SAP130: variants seen among roughly 807,000 people sequenced by gnomAD.
SAP130 encodes the protein Sin3A associated protein 130, also known as histone deacetylase complex subunit SAP130.
SAP130 carries 16 observed loss-of-function variants against 103.2 expected under a neutral mutation model. That is an observed-to-expected ratio of 0.16 (90% CI 0.10 to 0.24). The LOEUF (loss-of-function observed/expected upper bound fraction) is 0.24, where lower values mean the gene tolerates loss of function less well. Among genes scored for constraint, SAP130 ranks in the 10% least tolerant of loss-of-function variants. The pLI is 1.00. For missense variants in SAP130, 990 were observed against 1,359.7 expected, an observed-to-expected ratio of 0.73 and a Z score of 4.28; for synonymous variants, 477 against 497.0, an observed-to-expected ratio of 0.96 and a Z score of 0.53.
intron 14 of SAP130, among the ~76,000 whole-genome samples, chr2:127,980,427 A>G (rs1681782843): frequency 1.3e-5 from 2 of 152,182 alleles, no homozygotes; most frequent in Admixed American, 1.3e-4. Flanking sequence ...TCCTGGTGAG[A>G]GTGTAAATGG....
intron 2 of SAP130, 67 bp from the exon 3 acceptor site, chr2:128,017,982 AGAGTG>A (rs1345576402): frequency 7.8e-7 from 1 of 1,289,952 alleles, no homozygotes; most frequent in Non-Finnish European, 1.1e-6. Context: ...AGCACAGACA[AGAGTG>A]GTACCTGAAG....
chr2:128,022,984 C>G (rs1190664082), intron 2 of SAP130, among the ~76,000 whole-genome samples: 1 of 151,766 alleles, frequency 6.6e-6, no homozygotes, highest in Admixed American at 6.6e-5. Context: ...CATGAGCCAT[C>G]ACACCTGGCT....
At chr2:128,009,060 G>A (rs1684195260) in intron 7 of SAP130, among the ~76,000 whole-genome samples, 1 of 152,036 alleles carries the variant, frequency 6.6e-6, no homozygotes, top group Non-Finnish European at 1.5e-5. Context: ...CACCCTGTTA[G>A]GTATACAGGC....
rs189212595 is a variant in SAP130 at position 127,949,779 on chromosome 2, G to A, written c.2797+90C>T. ...AAAAACTTATGGTTTTTTTGAAACC[G>A]GAAAATTGTGGTTCTGTTTTTCTCT... On this transcript the variant is annotated intron_variant, in intron 18 of 20. Coordinates refer to ENST00000643581, the MANE Select transcript of SAP130 (RefSeq NM_001330301.2). 8,929 of 1,379,776 alleles carry A rather than the reference G, an allele frequency of 6.5e-3. 41 individuals carry two copies. The highest frequency in any genetic ancestry group is 7.1e-3 in the Non-Finnish European group (7,081 of 999,890). The allele number at this position is 1,379,776 out of a possible 1,614,324, so 85.5% of individuals were successfully genotyped here. A position where few individuals can be genotyped will look rare whatever the true frequency, so the allele number is the denominator to read the frequency against.
chr2:128,010,641 A>T (rs1022551737), intron 6 of SAP130, among the ~76,000 whole-genome samples: 2 of 152,054 alleles, frequency 1.3e-5, no homozygotes, highest in African/African-American at 2.4e-5. Context: ...GGGCAGATCA[A>T]CTGAGATCAG....
At chr2:128,017,423 A>G (rs1282776611) in intron 3 of SAP130, among the ~76,000 whole-genome samples, 1 of 152,196 alleles carries the variant, frequency 6.6e-6, no homozygotes, top group Non-Finnish European at 1.5e-5. Context: ...TATCTAACTT[A>G]ACATGCCCAT....
At chr2:127,945,355 G>T in intron 19 of SAP130, 101 bp downstream of exon 19, 1 of 695,462 alleles carries the variant, frequency 1.4e-6, no homozygotes, top group East Asian at 2.6e-5. Context: ...TGTTAGCTGG[G>T]AATGCTTCAG....
chr2:127,972,348 T>C (rs1308393048), intron 15 of SAP130, among the ~76,000 whole-genome samples: 1 of 152,242 alleles, frequency 6.6e-6, no homozygotes, highest in Non-Finnish European at 1.5e-5. Context: ...CAGTGGCTCA[T>C]GCCTGTAATC....
At chr2:128,017,952 G>C (rs752739686) in intron 2 of SAP130, 37 bp from the exon 3 acceptor site, 2 of 1,513,958 alleles carry the variant, frequency 1.3e-6, no homozygotes, top group African/African-American at 1.4e-5. Flanking sequence ...GTATGTCACA[G>C]TCTCCCAGTG....
intron 7 of SAP130, among the ~76,000 whole-genome samples, chr2:128,000,905 A>G (rs1683513770): frequency 6.6e-6 from 1 of 152,124 alleles, no homozygotes; most frequent in Non-Finnish European, 1.5e-5. Flanking sequence ...GTCTACATAA[A>G]AAATAAAAAT....
At chr2:128,027,503 G>T (rs1413442295) in intron 1 of SAP130, among the ~76,000 whole-genome samples, 1 of 150,586 alleles carries the variant, frequency 6.6e-6, no homozygotes, top group African/African-American at 2.4e-5. Flanking sequence ...AGGCGCCCCC[G>T]GCGAAGGGGG....
At chr2:127,991,812 A>G (rs1682833665) in intron 12 of SAP130, among the ~76,000 whole-genome samples, 2 of 152,244 alleles carry the variant, frequency 1.3e-5, no homozygotes, top group African/African-American at 4.8e-5. Flanking sequence ...TGTTCCAAAC[A>G]TACTTGAAAT....
In SAP130 at chr2:127,996,353, T is replaced by C; in HGVS notation, c.1352A>G (p.Asn451Ser). The C allele has an allele frequency of 6.2e-7, 1 of 1,600,260 alleles. No homozygotes were observed. Among genetic ancestry groups the C allele is most frequent in the East Asian group, 2.3e-5 (1 of 44,100 alleles). Residue 451 changes from asparagine to serine, a missense_variant, in exon 11 of 21, where the codon AAC becomes AGC. Asn to Ser is a conservative substitution (Grantham distance 46). Transcript: ENST00000643581. The surrounding 1 kb of genome is among the most constrained non-coding windows in gnomAD (Gnocchi z 4.3). ...NPVAMETRSD[N>S]RPSVPVQFQY... Reference sequence around the variant, plus strand: ...TAACTGACACACAGCCTCCTACCTGTTGTCACTTCGGGTTTCCATGGCCAC... The same window carrying C: ...TAACTGACACACAGCCTCCTACCTGCTGTCACTTCGGGTTTCCATGGCCAC...
intron 7 of SAP130, among the ~76,000 whole-genome samples, chr2:128,003,522 AC>A (rs1683722611): frequency 6.7e-6 from 1 of 149,746 alleles, no homozygotes; most frequent in African/African-American, 2.4e-5. Flanking sequence ...CCTCCTGAGT[AC>A]CTGGGACTAC....
intron 15 of SAP130, among the ~76,000 whole-genome samples, chr2:127,961,186 C>T (rs1021581452): frequency 2.6e-5 from 4 of 151,752 alleles, no homozygotes; most frequent in South Asian, 2.1e-4. Flanking sequence ...GATAGAGTTT[C>T]GCCATGTTGT....
rs1685486600 is a variant in SAP130, at chr2:128,026,227, C to G, written c.66G>C (p.Gln22His). Reference protein sequence around the residue: ...PSTGLSQAPSQIANSGSAGLI... With the variant: ...PSTGLSQAPSHIANSGSAGLI... ...ATCCAGCAGAACCACTGTTTGCAATCTGAGAAGGGGCCTGGCTCAGCCCGG... is the reference window on the plus strand; with the variant it reads ...ATCCAGCAGAACCACTGTTTGCAATGTGAGAAGGGGCCTGGCTCAGCCCGG... Residue 22 changes from glutamine (Q) to histidine (H), a missense_variant, in exon 2 of 21, where the codon CAG becomes CAC. Gln to His is a conservative substitution (Grantham distance 24). Coordinates refer to ENST00000643581, the MANE Select transcript of SAP130 (RefSeq NM_001330301.2). 1 of 1,614,020 alleles carries G rather than the reference C, an allele frequency of 6.2e-7. No homozygotes were observed. The highest frequency in any genetic ancestry group is 8.5e-7 in the Non-Finnish European group (1 of 1,180,026).
chr2:127,994,412 G>T (rs947360761), intron 11 of SAP130, among the ~76,000 whole-genome samples: 4 of 152,110 alleles, frequency 2.6e-5, no homozygotes, highest in Non-Finnish European at 5.9e-5. Flanking sequence ...CCAACATGGC[G>T]AAACTCCGTC....
Position 128,013,157 on chromosome 2 carries a change from G to GA in SAP130, c.620-4dup, listed in dbSNP as rs569229419. On this transcript the variant is annotated splice_region_variant and splice_polypyrimidine_tract_variant and intron_variant, in intron 5 of 20. Transcript: ENST00000643581. ...CATCACAGCAGCAGCAGCTGCACCT[G>GA]AAAAAAAAAAAGTGTTTATTATATT... The GA allele has an allele frequency of 0.052, 56,990 of 1,091,992 alleles. 167 individuals are homozygous for GA. Among genetic ancestry groups the GA allele is most frequent in the East Asian group, 0.15 (4,384 of 30,186 alleles). The allele number at this position is 1,091,992 out of a possible 1,614,324, so 67.6% of individuals were successfully genotyped here.
chr2:127,972,228 G>A (rs1425268682), intron 15 of SAP130, among the ~76,000 whole-genome samples: 1 of 152,206 alleles, frequency 6.6e-6, no homozygotes, highest in East Asian at 1.9e-4. Flanking sequence ...TGCTCACAGG[G>A]AGACTTTGGT....
Sources: gnomAD v4.1 joint callset for allele counts (sites outside exome capture counted in the v4.1 genomes callset) on GRCh38, gnomAD v4.1.1 for gene constraint, Gnocchi (gnomAD v3.1) non-coding constraint, MANE v1.5 for transcripts, NCBI Gene and HGNC (gene_info 2026-07-23, HGNC 2026-07-21) for gene names.